Variants in HFM1 observed in about 807,000 individuals in gnomAD.
HFM1 encodes the protein probable ATP-dependent DNA helicase HFM1.
Under a neutral mutation model 192.1 loss-of-function variants are expected in HFM1, and 169 were observed. The observed-to-expected ratio is 0.88, with a 90% confidence interval of 0.78 to 1.00. HFM1 has a LOEUF of 1.00. Ranked by LOEUF, HFM1 falls within the 50% of genes least tolerant of loss-of-function variation. The pLI is 0.00. For missense variants in HFM1, 1,661 were observed against 1,668.0 expected (o/e 1.00, Z 0.07); for synonymous variants, 525 against 537.8 (o/e 0.98, Z 0.33).
In HFM1 at chr1:91,394,347, A is replaced by G. The variant is rs780868406; in HGVS notation, c.240T>C (p.Asp80=). ...TTTGTGTTAGTGAAATATAATTTGT[A>G]TCTTCATTAGTTATCTTTAAATTTG... The part of the protein sequence containing the change: ...LTSNLKITNE[D]TNYISLTQKF... Residue 80 remains aspartate (D), a synonymous_variant, in exon 4 of 39, where the codon GAT becomes GAC. Coordinates refer to ENST00000370425, the MANE Select transcript of HFM1 (RefSeq NM_001017975.6). The G allele has an allele frequency of 2.5e-6, 4 of 1,573,178 alleles. No individual in the cohort carries two copies. The highest frequency in any genetic ancestry group is 3.5e-6 in the Non-Finnish European group (4 of 1,144,676).
At chr1:91,360,386 G>T (rs1050922651) in intron 13 of HFM1, among the ~76,000 whole-genome samples, 2 of 151,974 alleles carry the variant, frequency 1.3e-5, no homozygotes, top group African/African-American at 4.8e-5. Flanking sequence ...AAAAAGCAAG[G>T]GTTGCAATCC....
intron 34 of HFM1, 21 bp from the exon 35 acceptor site, chr1:91,267,876 T>C: frequency 1.6e-6 from 2 of 1,263,624 alleles, no homozygotes; most frequent in Non-Finnish European, 2.3e-6. Context: ...AGAATTGCTT[T>C]TATCTGCATC....
At chr1:91,268,235 A>G (rs76068570) in intron 34 of HFM1, among the ~76,000 whole-genome samples, 20 of 152,178 alleles carry the variant, frequency 1.3e-4, no homozygotes, top group African/African-American at 4.6e-4. Context: ...CCATATTAGA[A>G]TAACTCTACT....
At chr1:91,281,038 G>A (rs1479354951) in intron 30 of HFM1, among the ~76,000 whole-genome samples, 4 of 152,160 alleles carry the variant, frequency 2.6e-5, no homozygotes, top group Non-Finnish European at 4.4e-5. Context: ...TGTTTTAACC[G>A]AAGAGGGGGC....
Position 91,316,087 on chromosome 1 carries a change from C to T in HFM1, c.2982+14G>A. 1.3e-6 allele frequency: 2 copies of T among 1,527,308 alleles called. No homozygotes were observed. Among genetic ancestry groups the T allele is most frequent in the Non-Finnish European group, 9.0e-7 (1 of 1,109,548 alleles). The allele number at this position is 1,527,308 out of a possible 1,614,324, so 94.6% of individuals were successfully genotyped here. On this transcript the variant is annotated intron_variant, in intron 27 of 38. Coordinates refer to ENST00000370425, the MANE Select transcript of HFM1 (RefSeq NM_001017975.6). Reference sequence around the variant, plus strand: ...AAAAGACAATAAAATATCTAAGAAACAGAAAATATTTACCTGTTCCACTTT... The same window carrying T: ...AAAAGACAATAAAATATCTAAGAAATAGAAAATATTTACCTGTTCCACTTT...
At chr1:91,385,901 G>A in intron 4 of HFM1, 67 bp from the exon 5 acceptor site, 1 of 1,349,000 alleles carries the variant, frequency 7.4e-7, no homozygotes, top group South Asian at 1.4e-5. Flanking sequence ...TGAAAAACTA[G>A]CATAAAATTG....
intron 30 of HFM1, among the ~76,000 whole-genome samples, chr1:91,293,444 A>G (rs1417300607): frequency 4.6e-5 from 7 of 152,276 alleles, no homozygotes; most frequent in South Asian, 2.1e-4. Context: ...AAACACATGA[A>G]AAAAGGCTCA....
chr1:91,264,359 G>GTTTTTTTTTTTTTTTTTTTTT (rs1466938761), intron 36 of HFM1, among the ~76,000 whole-genome samples: 16 of 54,066 alleles, frequency 3.0e-4, no homozygotes, highest in South Asian at 2.7e-3. Context: ...CACAAATTTA[G>GTTTTTTTTTTTTTTTTTTTTT]TATTTTTTTT....
chr1:91,391,281 C>A (rs980186461), intron 4 of HFM1, among the ~76,000 whole-genome samples: 1 of 152,230 alleles, frequency 6.6e-6, no homozygotes, highest in African/African-American at 2.4e-5. Context: ...CAAAACAGAG[C>A]CCGCATTGCC....
Position 91,324,693 on chromosome 1 carries a change from T to C in HFM1, c.2409A>G (p.Lys803=), listed in dbSNP as rs1473867496. 6.7e-7 allele frequency: 1 copy of C among 1,488,274 alleles called. No individual in the cohort carries two copies. Among genetic ancestry groups the C allele is most frequent in the Non-Finnish European group, 9.4e-7 (1 of 1,066,002 alleles). The allele number at this position is 1,488,274 out of a possible 1,614,324, so 92.2% of individuals were successfully genotyped here. A position where few individuals can be genotyped will look rare whatever the true frequency, so the allele number is the denominator to read the frequency against. Residue 803 remains lysine, a synonymous_variant, in exon 21 of 39, where the codon AAA becomes AAG. Transcript: ENST00000370425. Reference sequence around the variant, plus strand: ...AATTTACCAGATCTGATAAGGTTTCTTTTCCACTGATTGTATAAAATTTCT... The same window carrying C: ...AATTTACCAGATCTGATAAGGTTTCCTTTCCACTGATTGTATAAAATTTCT... ...TVKKFYTISG[K]ETLSDLVTLI...
intron 13 of HFM1, among the ~76,000 whole-genome samples, chr1:91,373,601 T>C (rs557687866): frequency 7.2e-5 from 11 of 151,870 alleles, no homozygotes; most frequent in African/African-American, 2.4e-4. Flanking sequence ...ATTCTTACAA[T>C]AGTGAGTGAG....
intron 20 of HFM1, among the ~76,000 whole-genome samples, chr1:91,343,075 A>G (rs904540067): frequency 3.3e-5 from 5 of 151,670 alleles, no homozygotes; most frequent in African/African-American, 1.2e-4. Context: ...AAAATACAAA[A>G]AAAAAATTGG....
intron 30 of HFM1, among the ~76,000 whole-genome samples, chr1:91,286,095 T>G (rs1352831665): frequency 6.6e-6 from 1 of 152,158 alleles, no homozygotes; most frequent in African/African-American, 2.4e-5. Context: ...CTTGACTTAA[T>G]AAGGAAATTA....
chr1:91,407,802 G>T (rs1030229865), upstream of HFM1, among the ~76,000 whole-genome samples: 1 of 152,136 alleles, frequency 6.6e-6, no homozygotes, highest in Non-Finnish European at 1.5e-5. Flanking sequence ...GGGACATATG[G>T]TAATGCTATT....
chr1:91,341,174 T>A (rs1655274666), intron 20 of HFM1, among the ~76,000 whole-genome samples: 1 of 152,010 alleles, frequency 6.6e-6, no homozygotes, highest in African/African-American at 2.4e-5. Context: ...TACTCTAAAA[T>A]CAACCACACA....
chr1:91,280,086 T>C (rs1667326856), intron 30 of HFM1, among the ~76,000 whole-genome samples: 1 of 152,188 alleles, frequency 6.6e-6, no homozygotes, highest in Admixed American at 6.5e-5. Flanking sequence ...CTATCTCTAC[T>C]ATTACATCAA....
intron 29 of HFM1, 71 bp downstream of exon 29, chr1:91,313,886 C>A: frequency 1.3e-6 from 1 of 785,076 alleles, no homozygotes. Context: ...TCTGTACCAG[C>A]ATAAAGGATG....
intron 20 of HFM1, among the ~76,000 whole-genome samples, chr1:91,341,190 C>T (rs1655277330): frequency 1.3e-5 from 2 of 152,054 alleles, no homozygotes. Flanking sequence ...ACACATTCAG[C>T]TATAAAGCAA....
intron 34 of HFM1, among the ~76,000 whole-genome samples, chr1:91,271,653 T>A (rs1234540054): frequency 6.6e-6 from 1 of 151,746 alleles, no homozygotes; most frequent in Non-Finnish European, 1.5e-5. Flanking sequence ...ATGCCTCGAG[T>A]GGAAGAAAAG....
Sources: allele counts gnomAD v4.1 joint callset (sites outside exome capture counted in the v4.1 genomes callset), GRCh38; gene constraint gnomAD v4.1.1; transcripts MANE v1.5; gene names NCBI Gene and HGNC (gene_info 2026-07-23, HGNC 2026-07-21).